MARK1: variants seen among roughly 807,000 people sequenced by gnomAD.
The protein encoded by MARK1 is microtubule affinity regulating kinase 1.
In MARK1, 40 loss-of-function variants were observed where a neutral mutation model predicts 96.3. The observed-to-expected ratio is 0.42, with a 90% CI of 0.32 to 0.54. The LOEUF is 0.54. Among genes scored for constraint, MARK1 ranks in the 20% least tolerant of loss-of-function variants. MARK1 has a pLI of 0.16. For synonymous variants in MARK1, 317 were observed against 341.2 expected (o/e 0.93, Z 0.78); for missense variants, 719 against 984.6 (o/e 0.73, Z 3.61).
intron 9 of MARK1, among the ~76,000 whole-genome samples, chr1:220,619,724 A>G (rs992649381): frequency 2.0e-5 from 3 of 152,196 alleles, no homozygotes; most frequent in Admixed American, 1.3e-4. Context: ...TGGCACTGCA[A>G]TTAGAATAAT....
intron 6 of MARK1, among the ~76,000 whole-genome samples, chr1:220,604,523 TTATTG>T (rs1351035447): frequency 2.0e-5 from 3 of 152,004 alleles, no homozygotes; most frequent in Non-Finnish European, 2.9e-5. Context: ...TTTAAAGAGT[TTATTG>T]TATTATATTT....
intron 13 of MARK1, among the ~76,000 whole-genome samples, chr1:220,641,138 G>A (rs61350111): frequency 5.5e-4 from 84 of 152,300 alleles, no homozygotes; most frequent in African/African-American, 1.9e-3. Context: ...AATAAAACTT[G>A]TAAAGGTATT....
chr1:220,621,124 T>A (rs1241429431), intron 9 of MARK1, among the ~76,000 whole-genome samples: 1 of 151,844 alleles, frequency 6.6e-6, no homozygotes, highest in African/African-American at 2.4e-5. Flanking sequence ...TGTTCCATTC[T>A]TTTTTTTAAC....
intron 9 of MARK1, chr1:220,625,908 C>T: frequency 1.9e-6 from 1 of 515,458 alleles, no homozygotes. Context: ...GTCACCCTCA[C>T]AAACCCAGTA....
rs1667933578 is a variant in MARK1, at chr1:220,635,888, T to G, written c.1332T>G (p.Ser444Arg). The change falls in exon 13 of 18, where the codon AGT becomes AGG. Residue 444 changes from serine (S) to arginine (R), a missense_variant. Around this residue, in one of 4 missense-constraint regions of MARK1, gnomAD observed 501 missense variants for 588.3 expected, o/e 0.85. Coordinates refer to ENST00000366917, the MANE Select transcript of MARK1 (RefSeq NM_018650.5). ...VSYTKRPQAN[S>R]VESEQKEEWD... Reference sequence around the variant, plus strand: ...ATACCAAAAGACCTCAGGCTAACAGTGTGGAAAGTGAACAGAAAGAGGAGT... The same window carrying G: ...ATACCAAAAGACCTCAGGCTAACAGGGTGGAAAGTGAACAGAAAGAGGAGT... The G allele has an allele frequency of 6.2e-7, 1 of 1,613,650 alleles. No individual in the cohort carries two copies. Among genetic ancestry groups the G allele is most frequent in the Non-Finnish European group, 8.5e-7 (1 of 1,179,926 alleles).
chr1:220,578,785 G>T (rs1351386415), intron 1 of MARK1, among the ~76,000 whole-genome samples: 1 of 152,118 alleles, frequency 6.6e-6, no homozygotes, highest in Non-Finnish European at 1.5e-5. Flanking sequence ...GAGGCTTCTG[G>T]CTGTATATTT....
chr1:220,638,171 C>G (rs1296422079), intron 13 of MARK1, among the ~76,000 whole-genome samples: 1 of 148,894 alleles, frequency 6.7e-6, no homozygotes, highest in Non-Finnish European at 1.5e-5. Flanking sequence ...AGGACAGTTT[C>G]CAGTGTAATC....
At chr1:220,576,617 A>G (rs570652171) in intron 1 of MARK1, 1 of 152,322 alleles carries the variant, frequency 6.6e-6, no homozygotes, top group African/African-American at 2.4e-5. Context: ...CATCTCAAGT[A>G]TTTTAATGCG....
At chr1:220,557,190 A>G (rs1263516110) in intron 1 of MARK1, among the ~76,000 whole-genome samples, 1 of 152,234 alleles carries the variant, frequency 6.6e-6, no homozygotes, top group African/African-American at 2.4e-5. Context: ...AGCAATAACA[A>G]ATATTTTTAA....
At chr1:220,554,346 G>C (rs943450145) in intron 1 of MARK1, among the ~76,000 whole-genome samples, 4 of 152,202 alleles carry the variant, frequency 2.6e-5, no homozygotes, top group African/African-American at 9.6e-5. Flanking sequence ...GCTGGGGGCA[G>C]TTTTACCTCC....
At chr1:220,640,063 T>C (rs768286068) in intron 13 of MARK1, among the ~76,000 whole-genome samples, 4 of 152,240 alleles carry the variant, frequency 2.6e-5, no homozygotes, top group Non-Finnish European at 5.9e-5. Context: ...CACACAGCTT[T>C]AATACCTTTT....
chr1:220,623,296 T>C lies in MARK1; in HGVS notation c.909+4541T>C, dbSNP rs576012614. ...TCTTTTGGTTACCATGAAAGAATTT[T>C]ACATATGCATGAGGTTCACACAACT... On this transcript the variant is annotated intron_variant, in intron 9 of 17. Transcript: ENST00000366917. Among the ~76,000 whole-genome samples the C allele has an allele frequency of 2.2e-4, 34 of 152,300 alleles. No individual in the cohort carries two copies. The South Asian group carries it at 6.8e-3, about 31-fold the overall frequency.
intron 6 of MARK1, among the ~76,000 whole-genome samples, chr1:220,613,988 G>T (rs1666597663): frequency 6.6e-6 from 1 of 151,850 alleles, no homozygotes; most frequent in Non-Finnish European, 1.5e-5. Context: ...TTGTTTGTTT[G>T]GTCGGTTGGT....
chr1:220,550,049 G>C (rs928206306), intron 1 of MARK1, among the ~76,000 whole-genome samples: 1 of 152,152 alleles, frequency 6.6e-6, no homozygotes, highest in Non-Finnish European at 1.5e-5. Context: ...TTTTCTCCAT[G>C]CTTACCAGTT....
At chr1:220,545,909 C>T (rs1014825089) in intron 1 of MARK1, among the ~76,000 whole-genome samples, 2 of 152,124 alleles carry the variant, frequency 1.3e-5, no homozygotes, top group Non-Finnish European at 2.9e-5. Flanking sequence ...CTATTTCCTT[C>T]CTTCCCTTAC....
At chr1:220,548,284 C>T (rs1443710335) in intron 1 of MARK1, among the ~76,000 whole-genome samples, 1 of 152,164 alleles carries the variant, frequency 6.6e-6, no homozygotes, top group African/African-American at 2.4e-5. Context: ...CATAAAATTT[C>T]AATGTACTTC....
chr1:220,570,645 GT>G (rs2102807868), intron 1 of MARK1, among the ~76,000 whole-genome samples: 1 of 152,164 alleles, frequency 6.6e-6, no homozygotes, highest in South Asian at 2.1e-4. Flanking sequence ...AGTGATAATT[GT>G]TTAATATGTT....
intron 3 of MARK1, among the ~76,000 whole-genome samples, chr1:220,592,265 A>ATATTATATTG (rs1665047002): frequency 6.8e-6 from 1 of 147,866 alleles, no homozygotes; most frequent in South Asian, 2.1e-4. Flanking sequence ...ATATTATATT[A>ATATTATATTG]TATTATACTA....
At position 220,618,051 on chromosome 1, in the gene MARK1, G is replaced by T. The variant is rs916195315; in HGVS notation, c.553-259G>T. ...TTAAAATAACCTATGAAAGAAAATA[G>T]GTTTTAAATAACCTTTCTTAAGTAG... On this transcript the variant is annotated intron_variant, in intron 7 of 17. Coordinates refer to ENST00000366917, the MANE Select transcript of MARK1 (RefSeq NM_018650.5). The surrounding 1 kb of genome is among the most constrained non-coding windows in gnomAD (Gnocchi z 4.6). Among the ~76,000 whole-genome samples the T allele has an allele frequency of 6.6e-6, 1 of 152,104 alleles. No individual in the cohort carries two copies. Among genetic ancestry groups the T allele is most frequent in the African/African-American group, 2.4e-5 (1 of 41,414 alleles).
Sources: gnomAD v4.1 joint callset for allele counts (sites outside exome capture counted in the v4.1 genomes callset) on GRCh38, gnomAD v4.1.1 for gene constraint, gnomAD v4.1.1 regional missense constraint, Gnocchi (gnomAD v3.1) non-coding constraint, MANE v1.5 for transcripts, NCBI Gene and HGNC (gene_info 2026-07-23, HGNC 2026-07-21) for gene names.